PTPRD: variants seen among roughly 807,000 people sequenced by gnomAD.
PTPRD encodes the protein protein tyrosine phosphatase receptor type D, also known as receptor-type tyrosine-protein phosphatase delta.
Under a neutral mutation model 214.5 loss-of-function variants are expected in PTPRD, and 34 were observed. The observed-to-expected ratio is 0.16, with a 90% CI of 0.12 to 0.21. The LOEUF is 0.21. Among genes scored for constraint, PTPRD ranks in the 10% least tolerant of loss-of-function variants. The pLI, the probability that PTPRD is intolerant of heterozygous loss-of-function variation, is 1.00. For missense variants in PTPRD, 2,545 were observed against 2,398.7 expected, an observed-to-expected ratio of 1.06 and a Z score of -1.27; for synonymous variants, 1,128 against 845.7, an observed-to-expected ratio of 1.33 and a Z score of -5.79.
intron 5 of PTPRD, among the ~76,000 whole-genome samples, chr9:9,793,598 T>G (rs1485590180): frequency 6.6e-6 from 1 of 152,140 alleles, no homozygotes; most frequent in Non-Finnish European, 1.5e-5. Flanking sequence ...AATTATTTAT[T>G]CAGAAATTTA....
rs529866078 is a variant in PTPRD, at chr9:10,295,500, G to T, written c.-545+45463C>A. 3.9e-5 allele frequency among the ~76,000 whole-genome samples: 6 copies of T among 152,160 alleles called. No individual in the cohort carries two copies. The East Asian group carries it at 1.2e-3, about 29-fold the overall frequency. ...ATCAGTCCCAGCTCCACCAGTTTGA[G>T]TAAGACCTGCTTTCTCTTAGGTTCT... On this transcript the variant is annotated intron_variant, in intron 3 of 45. Transcript: ENST00000381196.
chr9:9,262,286 G>A (rs1051436732), intron 9 of PTPRD, among the ~76,000 whole-genome samples: 6 of 149,704 alleles, frequency 4.0e-5, no homozygotes, highest in Non-Finnish European at 7.4e-5. Flanking sequence ...AAATGACAGG[G>A]GCAATGAATT....
chr9:9,920,820 A>G (rs1181820641), intron 5 of PTPRD, among the ~76,000 whole-genome samples: 1 of 152,122 alleles, frequency 6.6e-6, no homozygotes, highest in Non-Finnish European at 1.5e-5. Flanking sequence ...TGAGTAGAGA[A>G]GTGAATAGAA....
intron 5 of PTPRD, among the ~76,000 whole-genome samples, chr9:9,813,103 A>G (rs1565458127): frequency 6.6e-6 from 1 of 152,086 alleles, no homozygotes; most frequent in East Asian, 1.9e-4. Context: ...AGACAAATGA[A>G]AAAGAAAAAG....
chr9:9,310,233 G>A (rs955476674), intron 9 of PTPRD, among the ~76,000 whole-genome samples: 1 of 152,026 alleles, frequency 6.6e-6, no homozygotes, highest in East Asian at 1.9e-4. Context: ...AAGCATTTGG[G>A]GATTTAATGA....
chr9:10,288,847 C>T (rs1032523107), intron 3 of PTPRD, among the ~76,000 whole-genome samples: 4 of 151,926 alleles, frequency 2.6e-5, no homozygotes, highest in African/African-American at 4.8e-5. Context: ...TTCAGAGATG[C>T]TAAAATTGGA....
At chr9:9,403,009 G>T (rs2071441789) in intron 8 of PTPRD, among the ~76,000 whole-genome samples, 2 of 146,024 alleles carry the variant, frequency 1.4e-5, no homozygotes, top group African/African-American at 5.0e-5. Flanking sequence ...AAAATGAGGT[G>T]CCAGGCGCGG....
chr9:8,968,074 G>A (rs2099210680), intron 11 of PTPRD, among the ~76,000 whole-genome samples: 1 of 151,790 alleles, frequency 6.6e-6, no homozygotes. Context: ...TCCCTACAAA[G>A]GACATGAACT....
At chr9:10,055,770 T>C (rs1047098392) in intron 3 of PTPRD, among the ~76,000 whole-genome samples, 5 of 151,656 alleles carry the variant, frequency 3.3e-5, no homozygotes, top group African/African-American at 4.8e-5. Flanking sequence ...CCAAGAGAAA[T>C]TGTGATTCAG....
intron 9 of PTPRD, among the ~76,000 whole-genome samples, chr9:9,265,924 T>A (rs1267028717): frequency 6.6e-6 from 1 of 151,442 alleles, no homozygotes; most frequent in Non-Finnish European, 1.5e-5. Flanking sequence ...CATTCTCCAA[T>A]CAAAAGACAG....
At position 8,341,966 on chromosome 9, in the gene PTPRD, G is replaced by A. The variant is rs1216130623; in HGVS notation, c.4674C>T (p.Gly1558=). The A allele has an allele frequency of 2.5e-6, 4 of 1,609,582 alleles. No homozygotes were observed. Among genetic ancestry groups the A allele is most frequent in the Non-Finnish European group, 3.4e-6 (4 of 1,177,996 alleles). ...CTATGACGATGAAGCAACCAGTCCG[G>A]CCAACTCCCGCACTATGAGGAAAAT... ...PMVVHCSAGV[G]RTGCFIVIDA... Residue 1558 remains glycine, a synonymous_variant, in exon 40 of 46, where the codon GGC becomes GGT. Coordinates refer to ENST00000381196, the MANE Select transcript of PTPRD (RefSeq NM_002839.4).
At chr9:9,819,405 G>A (rs2049939089) in intron 5 of PTPRD, among the ~76,000 whole-genome samples, 1 of 152,178 alleles carries the variant, frequency 6.6e-6, no homozygotes, top group South Asian at 2.1e-4. Context: ...GATTTGATAT[G>A]ATTCACCTTT....
intron 6 of PTPRD, among the ~76,000 whole-genome samples, chr9:9,740,655 C>T (rs2098387316): frequency 6.6e-6 from 1 of 152,188 alleles, no homozygotes; most frequent in South Asian, 2.1e-4. Context: ...TGAGCCACCG[C>T]ACCTGGCCTC....
chr9:8,636,634 C>T (rs988368321), intron 13 of PTPRD, 65 bp downstream of exon 13: 9 of 1,567,086 alleles, frequency 5.7e-6, no homozygotes, highest in East Asian at 2.3e-5. Context: ...AAGCAAGTAA[C>T]GTAGAAACCA....
chr9:8,971,618 C>T lies in PTPRD; in HGVS notation c.-104+47079G>A, dbSNP rs550795932. ...TACATGTTTAGATTCTAGTGGCAAACTATTGAAGTTTCCTCTTTTGTAAAA... is the reference window on the plus strand; with the variant it reads ...TACATGTTTAGATTCTAGTGGCAAATTATTGAAGTTTCCTCTTTTGTAAAA... On this transcript the variant is annotated intron_variant, in intron 11 of 45. Transcript: ENST00000381196. Among the ~76,000 whole-genome samples, 15 of 151,756 alleles carry T rather than the reference C, an allele frequency of 9.9e-5. No homozygotes were observed. In the South Asian group the frequency reaches 3.1e-3, roughly 31 times the overall value.
At chr9:9,823,642 A>G (rs2051590249) in intron 5 of PTPRD, among the ~76,000 whole-genome samples, 1 of 152,158 alleles carries the variant, frequency 6.6e-6, no homozygotes, top group African/African-American at 2.4e-5. Flanking sequence ...AAAGACAAAT[A>G]TCACATGTTC....
intron 43 of PTPRD, 47 bp from the exon 44 acceptor site, chr9:8,331,783 A>G: frequency 6.6e-7 from 1 of 1,526,684 alleles, no homozygotes; most frequent in Non-Finnish European, 8.8e-7. Context: ...AGACGCCAGG[A>G]GGATTCAGCA....
chr9:8,936,519 G>A (rs983106363), intron 11 of PTPRD, among the ~76,000 whole-genome samples: 1 of 146,474 alleles, frequency 6.8e-6, no homozygotes, highest in African/African-American at 2.5e-5. Flanking sequence ...AAGCGATTTA[G>A]TGTTTGCTAT....
intron 4 of PTPRD, among the ~76,000 whole-genome samples, chr9:9,951,737 T>C (rs763072473): frequency 7.9e-5 from 12 of 152,340 alleles, no homozygotes; most frequent in African/African-American, 1.2e-4. Flanking sequence ...GGAAGTATAA[T>C]TCTGCATCAG....
Sources: allele counts gnomAD v4.1 joint callset (sites outside exome capture counted in the v4.1 genomes callset), GRCh38; gene constraint gnomAD v4.1.1; transcripts MANE v1.5; gene names NCBI Gene and HGNC (gene_info 2026-07-23, HGNC 2026-07-21).